The following TTN variants were observed in gnomAD, a reference collection of about 807,000 sequenced individuals.
TTN encodes the protein connectin.
In TTN, 1,525 loss-of-function variants were observed where a neutral mutation model predicts 3,223.0. The ratio of observed to expected loss-of-function variants is 0.47; its 90% CI spans 0.45 to 0.49. TTN has a LOEUF of 0.49. TTN is among the 20% of genes least tolerant of loss of function. The probability of loss-of-function intolerance (pLI) is 0.00; values close to 1 mark genes in which losing one functional copy is unlikely to be tolerated. For missense variants in TTN, 40,786 were observed against 43,424.0 expected (o/e 0.94, Z 5.40); for synonymous variants, 14,094 against 15,161.0 (o/e 0.93, Z 5.17).
chr2:178,774,413 C>G lies in TTN; in HGVS notation c.6851G>C (p.Gly2284Ala), dbSNP rs751111175. The change falls in exon 30 of 363, where the codon GGA becomes GCA. Residue 2284 changes from glycine to alanine, a missense_variant. By Grantham distance (60) the Gly-to-Ala change is moderately conservative. Coordinates refer to ENST00000589042, the MANE Select transcript of TTN (RefSeq NM_001267550.2). ...QDIEVPESYS[G>A]ELECIVSPEN... is the part of the protein sequence containing the mutation. ...TGGGGATACAATGCACTCTAATTCT[C>G]CTGAATATGATTCTGGAACTTCTAT... 5 of 1,613,828 alleles carry G rather than the reference C, an allele frequency of 3.1e-6. No homozygotes were observed. Among genetic ancestry groups the G allele is most frequent in the Non-Finnish European group, 4.2e-6 (5 of 1,179,922 alleles).
At chr2:178,711,707 T>A (rs1199475499) in intron 96 of TTN, among the ~76,000 whole-genome samples, 4 of 152,190 alleles carry the variant, frequency 2.6e-5, no homozygotes, top group Admixed American at 2.6e-4. Flanking sequence ...GGTCACTTTT[T>A]AAAAAAGATT....
At chr2:178,806,839 A>T (rs1440277941) in intron 1 of TTN, among the ~76,000 whole-genome samples, 2 of 152,212 alleles carry the variant, frequency 1.3e-5, no homozygotes, top group Non-Finnish European at 2.9e-5. Context: ...TATCAGAGCT[A>T]TTCTTGGTGT....
intron 48 of TTN, 75 bp from the exon 49 acceptor site, chr2:178,738,435 T>C (rs754415887): frequency 1.1e-5 from 17 of 1,485,894 alleles, no homozygotes; most frequent in Admixed American, 6.8e-5. Flanking sequence ...TTCTAACTTT[T>C]GTTGCTGTTA....
At chr2:178,651,093 A>T in intron 208 of TTN, 150 bp downstream of exon 208, 1 of 703,214 alleles carries the variant, frequency 1.4e-6, no homozygotes, top group East Asian at 2.7e-5. Context: ...CAATGAAAAA[A>T]TTATTAAAAA....
In TTN at chr2:178,711,245, A is replaced by C; in HGVS notation, c.27991T>G (p.Ser9331Ala). ...DCAISGSEPISVSWYKDGKPL... is the reference protein window; with the variant it reads ...DCAISGSEPIAVSWYKDGKPL... ...TTGCCGTCTTTATACCAAGACACGG[A>C]GATAGGTTCTGATCCACTTATGGCA... Residue 9331 changes from serine to alanine, a missense_variant, in exon 97 of 363, where the codon TCC (serine) becomes GCC (alanine). Transcript: ENST00000589042. 2 of 1,613,852 alleles carry C rather than the reference A, an allele frequency of 1.2e-6. No individual in the cohort carries two copies. The highest frequency in any genetic ancestry group is 1.3e-5 in the African/African-American group (1 of 75,018).
Position 178,621,825 on chromosome 2 carries a change from T to C in TTN, c.45082+15A>G. On this transcript the variant is annotated intron_variant, in intron 244 of 362. Coordinates refer to ENST00000589042, the MANE Select transcript of TTN (RefSeq NM_001267550.2). ...CCCAACACATATACTTCACAAAGAA[T>C]GACTTTACTCTTACCCAGAACTGTC... is the stretch of plus-strand genomic sequence containing the variant. 6.2e-7 allele frequency: 1 copy of C among 1,611,318 alleles called. No individual in the cohort carries two copies. The highest frequency in any genetic ancestry group is 1.3e-5 in the African/African-American group (1 of 74,854).
rs1272355523 is a variant in TTN at position 178,552,779 on chromosome 2, C to A, written c.90121G>T (p.Asp30041Tyr). Residue 30041 changes from aspartate (D) to tyrosine (Y), a missense_variant, in exon 335 of 363, where the codon GAC (aspartate) becomes TAC (tyrosine). By Grantham distance (160) the Asp-to-Tyr change is radical (BLOSUM62 -3). Transcript: ENST00000589042. ...PAPIRDLSMK[D>Y]STKTSVILSW... ...AGGATGACAGATGTCTTTGTTGAGT[C>A]TTTCATTGAGAGATCACGTATAGGA... 3.7e-6 allele frequency: 6 copies of A among 1,613,792 alleles called. No individual in the cohort carries two copies. The South Asian group carries it at 6.6e-5, about 18-fold the overall frequency.
Position 178,727,072 on chromosome 2 carries a change from C to A in TTN, c.20275+18G>T, listed in dbSNP as rs763059040. 7.0e-7 allele frequency: 1 copy of A among 1,435,788 alleles called. No individual in the cohort carries two copies. Among genetic ancestry groups the A allele is most frequent in the Non-Finnish European group, 9.2e-7 (1 of 1,087,770 alleles). The allele number at this position is 1,435,788 out of a possible 1,614,324, so 88.9% of individuals were successfully genotyped here. A position where few individuals can be genotyped will look rare whatever the true frequency, so the allele number is the denominator to read the frequency against. On this transcript the variant is annotated intron_variant, in intron 69 of 362. Coordinates refer to ENST00000589042, the MANE Select transcript of TTN (RefSeq NM_001267550.2). ...GGTGGTTTTCATTTAATGAGAAACACAAGAACAAGATGTCTACCTTTTACT... is the reference window on the plus strand; with the variant it reads ...GGTGGTTTTCATTTAATGAGAAACAAAAGAACAAGATGTCTACCTTTTACT...
At chr2:178,744,980 ATTTTT>A in intron 47 of TTN, 1 of 985,422 alleles carries the variant, frequency 1.0e-6, no homozygotes, top group Non-Finnish European at 1.2e-6. Context: ...TAACGAAAAC[ATTTTT>A]AAAAGAGATG....
chr2:178,620,966 T>G lies in TTN; in HGVS notation c.45644A>C (p.Lys15215Thr), dbSNP rs374244504. 2.5e-6 allele frequency: 4 copies of G among 1,611,914 alleles called. No individual in the cohort carries two copies. Among genetic ancestry groups the G allele is most frequent in the Non-Finnish European group, 3.4e-6 (4 of 1,179,036 alleles). The change falls in exon 247 of 363, where the codon AAG becomes ACG. Residue 15215 changes from lysine (K) to threonine (T), a missense_variant. Coordinates refer to ENST00000589042, the MANE Select transcript of TTN (RefSeq NM_001267550.2). ...CTGTTGTTCCTTCACCCGGGTGTCCTTAAGAGGAACTACGATCCTGAGTTT... is the reference window on the plus strand; with the variant it reads ...CTGTTGTTCCTTCACCCGGGTGTCCGTAAGAGGAACTACGATCCTGAGTTT... ...IEKLRIVVPL[K>T]DTRVKEQQEV... is the part of the protein sequence containing the mutation.
In TTN at chr2:178,605,065, C is replaced by T. The variant is rs527887963; in HGVS notation, c.54112G>A (p.Glu18038Lys). The change falls in exon 280 of 363, where the codon GAG becomes AAG. Residue 18038 changes from glutamate to lysine, a missense_variant. Physicochemically the swap from Glu to Lys is moderately conservative, Grantham distance 56. Transcript: ENST00000589042. ...TELSIPKAVR[E>K]DKGTYTVTAS... Reference sequence around the variant, plus strand: ...GTAACTGTGTAAGTGCCTTTGTCCTCCCGGACCGCTTTGGGAATGCTAAGC... The same window carrying T: ...GTAACTGTGTAAGTGCCTTTGTCCTTCCGGACCGCTTTGGGAATGCTAAGC... 1 of 1,612,350 alleles carries T rather than the reference C, an allele frequency of 6.2e-7. No homozygotes were observed.
chr2:178,599,285 G>A lies in TTN; in HGVS notation c.56508C>T (p.Ser18836=). ...EANRKTWVHV[S]SEPKECTYTI... is the part of the protein sequence containing the mutation. ...TGTACGTGCACTCCTTAGGTTCACT[G>A]GAGACATGGACCCATGTCTTCCTGT... Residue 18836 remains serine (S), a synonymous_variant, in exon 290 of 363, where the codon TCC becomes TCT. Coordinates refer to ENST00000589042, the MANE Select transcript of TTN (RefSeq NM_001267550.2). 5 of 1,602,280 alleles carry A rather than the reference G, an allele frequency of 3.1e-6. No homozygotes were observed. The highest frequency in any genetic ancestry group is 4.3e-6 in the Non-Finnish European group (5 of 1,176,026).
At chr2:178,586,011 C>T (rs994256281) in intron 308 of TTN, among the ~76,000 whole-genome samples, 1 of 152,056 alleles carries the variant, frequency 6.6e-6, no homozygotes, top group African/African-American at 2.4e-5. Context: ...CTTGAGGAAT[C>T]GCCACACTGT....
At position 178,733,256 on chromosome 2, in the gene TTN, G is replaced by A. The variant is rs1010676727; in HGVS notation, c.16037C>T (p.Thr5346Ile). 1.9e-5 allele frequency: 31 copies of A among 1,603,578 alleles called. No homozygotes were observed. The highest frequency in any genetic ancestry group is 2.6e-5 in the Non-Finnish European group (30 of 1,174,368). The change falls in exon 54 of 363, where the codon ACT becomes ATT. Residue 5346 changes from threonine (T) to isoleucine (I), a missense_variant. Physicochemically the swap from Thr to Ile is moderately conservative, Grantham distance 89. Transcript: ENST00000589042. ...SNEVGSSSCE[T>I]TFTVLDRDIA... The stretch of plus-strand genomic sequence containing the variant: ...ATACTAACCTAATACAGTGAATGTA[G>A]TCTCACAGGAGCTGCTGCCCACTTC...
rs373068293 is a variant in TTN at position 178,712,115 on chromosome 2, A to G, written c.27715T>C (p.Tyr9239His). The change falls in exon 96 of 363, where the codon TAT becomes CAT. Residue 9239 changes from tyrosine (Y) to histidine (H), a missense_variant. Tyr to His is a moderately conservative substitution (Grantham distance 83, BLOSUM62 2). Coordinates refer to ENST00000589042, the MANE Select transcript of TTN (RefSeq NM_001267550.2). ...AGTPEIGVSW[Y>H]KGDTKLRPTT... ...GGTCTCAATTTTGTATCTCCTTTAT[A>G]CCAGGATACCCCAATTTCAGGGGTT... 3.0e-5 allele frequency: 48 copies of G among 1,613,754 alleles called. No individual in the cohort carries two copies. The African/African-American group carries it at 3.7e-4, about 13-fold the overall frequency.
At position 178,611,510 on chromosome 2, in the gene TTN, T is replaced by C. The variant is rs750610895; in HGVS notation, c.50719A>G (p.Ile16907Val). The change falls in exon 269 of 363, where the codon ATA becomes GTA. Residue 16907 changes from isoleucine to valine, a missense_variant. Transcript: ENST00000589042. ...TCAACCTTGAATTTCAAGTCCTTTA[T>C]TGGGCGAGAATTAACTCTCATCCAT... is the stretch of plus-strand genomic sequence containing the variant. Reference protein sequence around the residue: ...EKWMRVNSRPIKDLKFKVEEG... With the variant: ...EKWMRVNSRPVKDLKFKVEEG... 1.8e-4 allele frequency: 294 copies of C among 1,612,876 alleles called. 2 individuals are homozygous for C. Among genetic ancestry groups the C allele is most frequent in the Admixed American group, 1.5e-4 (9 of 59,942 alleles).
intron 223 of TTN, 80 bp downstream of exon 223, chr2:178,639,619 G>A: frequency 1.4e-6 from 2 of 1,409,046 alleles, no homozygotes; most frequent in Non-Finnish European, 9.9e-7. Flanking sequence ...CATAAACAGG[G>A]CTTGAATTTT....
chr2:178,686,481 A>G (rs999360719), intron 127 of TTN, among the ~76,000 whole-genome samples: 1 of 151,914 alleles, frequency 6.6e-6, no homozygotes, highest in African/African-American at 2.4e-5. Flanking sequence ...GCAGTGGTGT[A>G]ATCACAGCTC....
At position 178,594,370 on chromosome 2, in the gene TTN, T is replaced by C. The variant is rs374594411; in HGVS notation, c.58124A>G (p.Lys19375Arg). Residue 19375 changes from lysine to arginine, a missense_variant, in exon 296 of 363, where the codon AAA becomes AGA. Lys to Arg is a conservative substitution (Grantham distance 26). Coordinates refer to ENST00000589042, the MANE Select transcript of TTN (RefSeq NM_001267550.2). ...CAGCTCATCCTTGCAAGTAATTGGTTTGGTGCAAAATGATGGTTTGCCTTG... is the reference window on the plus strand; with the variant it reads ...CAGCTCATCCTTGCAAGTAATTGGTCTGGTGCAAAATGATGGTTTGCCTTG... The part of the protein sequence containing the change: ...VGQGKPSFCT[K>R]PITCKDELAP... 1.8e-5 allele frequency: 28 copies of C among 1,596,642 alleles called. No individual in the cohort carries two copies. The highest frequency in any genetic ancestry group is 1.7e-4 in the Middle Eastern group (1 of 6,010).
Sources: gnomAD v4.1 joint callset for allele counts (sites outside exome capture counted in the v4.1 genomes callset) on GRCh38, gnomAD v4.1.1 for gene constraint, MANE v1.5 for transcripts, NCBI Gene and HGNC (gene_info 2026-07-23, HGNC 2026-07-21) for gene names.